Variants in ABHD12B observed in about 807,000 individuals in gnomAD.
ABHD12B encodes the protein protein ABHD12B.
Under a neutral mutation model 50.4 loss-of-function variants are expected in ABHD12B, and 42 were observed. The ratio of observed to expected loss-of-function variants is 0.83; its 90% confidence interval spans 0.65 to 1.08. The LOEUF (loss-of-function observed/expected upper bound fraction) is 1.08. ABHD12B is among the 50% of genes least tolerant of loss of function. ABHD12B has a pLI of 0.00. For synonymous variants in ABHD12B, 167 were observed against 160.3 expected (o/e 1.04, Z -0.32); for missense variants, 479 against 447.7 (o/e 1.07, Z -0.63).
At chr14:50,893,620 C>G (rs2050150134) in intron 9 of ABHD12B, 2 of 156,338 alleles carry the variant, frequency 1.3e-5, no homozygotes, top group Non-Finnish European at 2.8e-5. Flanking sequence ...AAATTTGGTG[C>G]CGTGACTCGG....
intron 3 of ABHD12B, among the ~76,000 whole-genome samples, chr14:50,879,957 C>G (rs896179632): frequency 6.6e-6 from 1 of 152,234 alleles, no homozygotes; most frequent in Non-Finnish European, 1.5e-5. Flanking sequence ...AGTGGAGAAA[C>G]TGGAACTCAC....
At chr14:50,892,312 C>A in intron 9 of ABHD12B, 3 of 650,418 alleles carry the variant, frequency 4.6e-6, no homozygotes, top group African/African-American at 2.0e-5. Flanking sequence ...AAATGTTCTT[C>A]AGGAAAAAAT....
intron 1 of ABHD12B, among the ~76,000 whole-genome samples, chr14:50,877,433 C>T (rs367869525): frequency 2.0e-5 from 3 of 152,266 alleles, no homozygotes; most frequent in Admixed American, 6.5e-5. Context: ...GGCTGTGGTG[C>T]GAACATATCC....
At chr14:50,886,102 A>C (rs1054535446) in intron 7 of ABHD12B, among the ~76,000 whole-genome samples, 1 of 152,190 alleles carries the variant, frequency 6.6e-6, no homozygotes, top group Non-Finnish European at 1.5e-5. Context: ...CTCTACGGTT[A>C]TCTATTACAT....
intron 3 of ABHD12B, 88 bp downstream of exon 3, chr14:50,878,935 C>T (rs901373922): frequency 2.6e-5 from 27 of 1,033,854 alleles, no homozygotes; most frequent in African/African-American, 3.2e-5. Flanking sequence ...TACCTGCCCA[C>T]GGAGAGGTCG....
Position 50,872,216 on chromosome 14 carries a change from G to T in ABHD12B, c.42G>T (p.Pro14=). 3 of 1,385,000 alleles carry T rather than the reference G, an allele frequency of 2.2e-6. No individual in the cohort carries two copies. Among genetic ancestry groups the T allele is most frequent in the Middle Eastern group, 2.6e-4 (1 of 3,862 alleles). The allele number at this position is 1,385,000 out of a possible 1,614,324, so 85.8% of individuals were successfully genotyped here. A position where few individuals can be genotyped will look rare whatever the true frequency, so the allele number is the denominator to read the frequency against. The change falls in exon 1 of 13, where the codon CCG becomes CCT. Residue 14 remains proline, a synonymous_variant. Transcript: ENST00000337334. The stretch of plus-strand genomic sequence containing the variant: ...GCCAGGCGGCCGCATCGCCCGAGCC[G>T]CCCGGGCCCCCAGCCCGTAGCTGCG... ...QDCQAAASPE[P]PGPPARSCVA...
At chr14:50,874,427 T>C (rs879682670) in intron 1 of ABHD12B, among the ~76,000 whole-genome samples, 2 of 151,966 alleles carry the variant, frequency 1.3e-5, no homozygotes, top group South Asian at 4.2e-4. Context: ...AGTGAAACCC[T>C]GTCTCTACTA....
Position 50,904,139 on chromosome 14 carries a change from T to C in ABHD12B, c.1008T>C (p.Pro336=). 1 of 1,614,188 alleles carries C rather than the reference T, an allele frequency of 6.2e-7. No individual in the cohort carries two copies. The highest frequency in any genetic ancestry group is 8.5e-7 in the Non-Finnish European group (1 of 1,180,008). The change falls in exon 12 of 13, where the codon CCT becomes CCC. Residue 336 remains proline (P), a synonymous_variant. Transcript: ENST00000337334. The part of the protein sequence containing the change: ...KERVKMVIFP[P]GFQHNLLCKS... ...GGGTCAAGATGGTTATCTTTCCTCC[T>C]GGCTTCCAACACAACCTGCTTTGTA...
chr14:50,898,698 T>G (rs2050226979), intron 9 of ABHD12B, among the ~76,000 whole-genome samples: 1 of 152,194 alleles, frequency 6.6e-6, no homozygotes, highest in Non-Finnish European at 1.5e-5. Context: ...TGAATTCTCC[T>G]CAGGGGAGTC....
chr14:50,884,438 C>A (rs535276586), intron 5 of ABHD12B, among the ~76,000 whole-genome samples: 2 of 152,308 alleles, frequency 1.3e-5, no homozygotes, highest in Admixed American at 1.3e-4. Context: ...TGAGGTTTTG[C>A]CACCCGGATA....
At position 50,885,883 on chromosome 14, in the gene ABHD12B, C is replaced by T; in HGVS notation, c.650C>T (p.Ser217Phe). ...ACTCCCGTGTGTCTCTGGGGCCACT[C>T]TCTGGGTACAGGGTAAGTGAGATCT... ...GITPVCLWGH[S>F]LGTGVATNAA... Residue 217 changes from serine (S) to phenylalanine (F), a missense_variant, in exon 7 of 13, where the codon TCT becomes TTT. Transcript: ENST00000337334. The T allele has an allele frequency of 1.2e-6, 2 of 1,614,088 alleles. No individual in the cohort carries two copies. The highest frequency in any genetic ancestry group is 1.7e-5 in the Admixed American group (1 of 60,014).
At chr14:50,879,258 C>T (rs559508153) in intron 3 of ABHD12B, among the ~76,000 whole-genome samples, 1 of 152,298 alleles carries the variant, frequency 6.6e-6, no homozygotes, top group South Asian at 2.1e-4. Context: ...TTCAGAAAAG[C>T]CTTTCCTCAC....
intron 1 of ABHD12B, among the ~76,000 whole-genome samples, chr14:50,876,040 T>C (rs779184683): frequency 2.6e-5 from 4 of 152,152 alleles, no homozygotes; most frequent in African/African-American, 7.2e-5. Flanking sequence ...TTGGGTTCAG[T>C]TCTGTCCATT....
In ABHD12B at chr14:50,888,858, A is replaced by C. The variant is rs368937965; in HGVS notation, c.735A>C (p.Pro245=). ...TTGATGCTATTGTCTTGGAAGCTCC[A>C]TTTACCAACATGTGGGTTGCAAGTA... The part of the protein sequence containing the change: ...CPVDAIVLEA[P]FTNMWVASIN... Residue 245 remains proline (P), a synonymous_variant, in exon 9 of 13, where the codon CCA becomes CCC. Transcript: ENST00000337334. 9.9e-6 allele frequency: 16 copies of C among 1,613,952 alleles called. 1 individual carries two copies. Among genetic ancestry groups the C allele is most frequent in the African/African-American group, 6.7e-5 (5 of 74,910 alleles).
chr14:50,872,871 T>C lies in ABHD12B; in HGVS notation c.104+593T>C, dbSNP rs150180271. Among the ~76,000 whole-genome samples, 299 of 152,326 alleles carry C rather than the reference T, an allele frequency of 2.0e-3. 1 individual carries two copies. Among genetic ancestry groups the C allele is most frequent in the African/African-American group, 6.7e-3 (279 of 41,574 alleles). On this transcript the variant is annotated intron_variant, in intron 1 of 12. Transcript: ENST00000337334. ...GCCAAGTTCTTATGTTGTTTAAGTC[T>C]GAAATGTATCAGTGGGTGTTTCGGG...
chr14:50,902,377 G>A (rs568964500), intron 10 of ABHD12B, among the ~76,000 whole-genome samples: 7 of 152,224 alleles, frequency 4.6e-5, no homozygotes, highest in East Asian at 3.9e-4. Context: ...CCAACTACAC[G>A]TGAGGCTGAA....
intron 8 of ABHD12B, 47 bp from the exon 9 acceptor site, chr14:50,888,777 T>C: frequency 2.6e-6 from 4 of 1,536,350 alleles, no homozygotes; most frequent in Non-Finnish European, 3.6e-6. Flanking sequence ...AGATGGTATT[T>C]GAATAGGGGA....
Position 50,880,471 on chromosome 14 carries a change from C to T in ABHD12B, c.355C>T (p.Arg119Trp), listed in dbSNP as rs141865189. 26 of 1,609,022 alleles carry T rather than the reference C, an allele frequency of 1.6e-5. No individual in the cohort carries two copies. The highest frequency in any genetic ancestry group is 1.3e-4 in the African/African-American group (10 of 74,718). The change falls in exon 4 of 13, where the codon CGG (arginine) becomes TGG (tryptophan). Residue 119 changes from arginine to tryptophan, a missense_variant. Coordinates refer to ENST00000337334, the MANE Select transcript of ABHD12B (RefSeq NM_001206673.2). ...LGIWHTVPSCRGEDAKGKDCC... is the reference protein window; with the variant it reads ...LGIWHTVPSCWGEDAKGKDCC... ...CTTCAGGCACACAGTCCCCAGCTGC[C>T]GGGGGGAAGATGCCAAGGGGAAGGA... is the stretch of plus-strand genomic sequence containing the variant.
At chr14:50,884,411 T>A (rs1199627360) in intron 5 of ABHD12B, among the ~76,000 whole-genome samples, 1 of 152,246 alleles carries the variant, frequency 6.6e-6, no homozygotes, top group Non-Finnish European at 1.5e-5. Context: ...GTTTAATTTG[T>A]ATTTACAAGT....
Sources: gnomAD v4.1 joint callset for allele counts (sites outside exome capture counted in the v4.1 genomes callset) on GRCh38, gnomAD v4.1.1 for gene constraint, MANE v1.5 for transcripts, NCBI Gene and HGNC (gene_info 2026-07-23, HGNC 2026-07-21) for gene names.